The following RPS6KA1 variants were observed in gnomAD, a reference collection of about 807,000 sequenced individuals.
RPS6KA1 encodes the protein ribosomal protein S6 kinase A1, also known as ribosomal protein S6 kinase alpha-1.
A neutral mutation model predicts 91.3 loss-of-function variants in RPS6KA1; 48 were observed. That is an observed-to-expected ratio of 0.53 (90% CI 0.42 to 0.67). RPS6KA1 has a LOEUF of 0.67. Ranked by LOEUF, RPS6KA1 falls within the 30% of genes least tolerant of loss-of-function variation. RPS6KA1 has a pLI of 0.00. For missense variants in RPS6KA1, 719 were observed against 960.5 expected (o/e 0.75, Z 3.32); for synonymous variants, 359 against 384.7 (o/e 0.93, Z 0.78).
rs2076153277 is a variant in RPS6KA1, at chr1:26,561,434, T to TG, written c.1432-67dup. The TG allele has an allele frequency of 1.1e-4, 181 of 1,591,116 alleles. 4 individuals carry two copies. The South Asian group carries it at 2.0e-3, about 17-fold the overall frequency. On this transcript the variant is annotated intron_variant, in intron 16 of 21. Transcript: ENST00000374168. The surrounding 1 kb of genome is among the most constrained non-coding windows in gnomAD (Gnocchi z 5.7). ...AGGCTCATGTCATTCTTCCCTGCTCTGGGGCGCTGCTGACCAGGGGGCTCA... is the reference window on the plus strand; with the variant it reads ...AGGCTCATGTCATTCTTCCCTGCTCTGGGGGCGCTGCTGACCAGGGGGCTCA...
At chr1:26,569,930 T>C (rs1014547110) in intron 17 of RPS6KA1, among the ~76,000 whole-genome samples, 3 of 152,150 alleles carry the variant, frequency 2.0e-5, no homozygotes, top group Non-Finnish European at 4.4e-5. Flanking sequence ...GACTTTGGGC[T>C]TTATCTTGCA....
intron 6 of RPS6KA1, chr1:26,552,771 G>T: frequency 3.0e-6 from 1 of 331,562 alleles, no homozygotes; most frequent in Non-Finnish European, 6.1e-6. Context: ...GATTATAGGT[G>T]TGAGCCACCG....
At position 26,561,462 on chromosome 1, in the gene RPS6KA1, C is replaced by T; in HGVS notation, c.1432-43C>T. The T allele has an allele frequency of 6.2e-7, 1 of 1,613,214 alleles. No homozygotes were observed. The highest frequency in any genetic ancestry group is 1.1e-5 in the South Asian group (1 of 91,032). ...GGCGCTGCTGACCAGGGGGCTCAGG[C>T]CTGACACTGGGGAGAAGAGCCTGAT... On this transcript the variant is annotated intron_variant, in intron 16 of 21. Coordinates refer to ENST00000374168, the MANE Select transcript of RPS6KA1 (RefSeq NM_002953.4). This position sits in a 1 kb window ranked among gnomAD's most constrained non-coding sequence, Gnocchi z 5.7.
intron 2 of RPS6KA1, among the ~76,000 whole-genome samples, chr1:26,541,389 T>C (rs367629241): frequency 1.4e-4 from 21 of 152,090 alleles, no homozygotes; most frequent in East Asian, 1.9e-4. Flanking sequence ...ACCCTGTCGC[T>C]ACTAAAATAC....
At chr1:26,553,252 A>G in intron 6 of RPS6KA1, 139 bp from the exon 7 acceptor site, 1 of 593,748 alleles carries the variant, frequency 1.7e-6, no homozygotes, top group East Asian at 2.8e-5. Context: ...CCTTTGTATG[A>G]TGAGAAGGCT....
chr1:26,554,878 C>A lies in RPS6KA1; in HGVS notation c.756+140C>A. ...CAAGCTGGCCTCACCCTATATGCAC[C>A]TGCAGTTTTCTTCCTTGGAAGGATC... On this transcript the variant is annotated intron_variant, in intron 9 of 21. Coordinates refer to ENST00000374168, the MANE Select transcript of RPS6KA1 (RefSeq NM_002953.4). The surrounding 1 kb of genome is among the most constrained non-coding windows in gnomAD (Gnocchi z 4.6). The A allele has an allele frequency of 1.7e-6, 2 of 1,180,406 alleles. No individual in the cohort carries two copies. Among genetic ancestry groups the A allele is most frequent in the Non-Finnish European group, 2.4e-6 (2 of 837,966 alleles). The allele number at this position is 1,180,406 out of a possible 1,614,324, so 73.1% of individuals were successfully genotyped here.
chr1:26,543,559 G>C (rs905479776), intron 2 of RPS6KA1, among the ~76,000 whole-genome samples: 1 of 152,196 alleles, frequency 6.6e-6, no homozygotes, highest in Non-Finnish European at 1.5e-5. Flanking sequence ...TGTCAGGAAG[G>C]GTTAGGTATC....
intron 2 of RPS6KA1, chr1:26,543,123 G>T: frequency 6.5e-7 from 1 of 1,535,090 alleles, no homozygotes; most frequent in Non-Finnish European, 8.7e-7. Flanking sequence ...GAAGTAGGAA[G>T]AGTAACGGGG....
Position 26,555,005 on chromosome 1 carries a change from G to A in RPS6KA1, c.757-146G>A. On this transcript the variant is annotated intron_variant, in intron 9 of 21. Transcript: ENST00000374168. The surrounding 1 kb of genome is among the most constrained non-coding windows in gnomAD (Gnocchi z 4.3). Reference sequence around the variant, plus strand: ...CTGGTGGTCTGGTTGGCAGAGGCAAGAGGGACGGGCATAATTCTTGCTCCA... The same window carrying A: ...CTGGTGGTCTGGTTGGCAGAGGCAAAAGGGACGGGCATAATTCTTGCTCCA... 2.2e-6 allele frequency: 2 copies of A among 895,114 alleles called. No homozygotes were observed. The highest frequency in any genetic ancestry group is 4.8e-5 in the Admixed American group (2 of 41,990). The allele number at this position is 895,114 out of a possible 1,614,324, so 55.4% of individuals were successfully genotyped here.
At chr1:26,570,806 A>C (rs1198877285) in intron 17 of RPS6KA1, among the ~76,000 whole-genome samples, 1 of 152,186 alleles carries the variant, frequency 6.6e-6, no homozygotes, top group Non-Finnish European at 1.5e-5. Context: ...AAAGTAAAGC[A>C]GTGTATTCTT....
intron 1 of RPS6KA1, 23 bp downstream of exon 1, chr1:26,530,006 G>A: frequency 1.5e-6 from 2 of 1,323,554 alleles, no homozygotes; most frequent in African/African-American, 1.5e-5. Context: ...GGCGGGGGAC[G>A]GGCGCCCGCG....
At position 26,547,394 on chromosome 1, in the gene RPS6KA1, G is replaced by T; in HGVS notation, c.307+124G>T. ...TTCAGGAGCACCTAGTTCAAAGGTG[G>T]AGAAACAGGCCTATTTCTCAGCTAT... On this transcript the variant is annotated intron_variant, in intron 4 of 21. Transcript: ENST00000374168. This position sits in a 1 kb window ranked among gnomAD's most constrained non-coding sequence, Gnocchi z 4.1. 1.4e-6 allele frequency: 1 copy of T among 731,604 alleles called. No individual in the cohort carries two copies. The allele number at this position is 731,604 out of a possible 1,614,324, so 45.3% of individuals were successfully genotyped here.
chr1:26,560,887 G>T (rs367930270), intron 15 of RPS6KA1, 36 bp downstream of exon 15: 7 of 1,613,668 alleles, frequency 4.3e-6, no homozygotes, highest in Non-Finnish European at 5.9e-6. Flanking sequence ...CAAGGCTGCT[G>T]GGTTGGGGGC....
At chr1:26,533,261 G>C (rs2075880766) in intron 1 of RPS6KA1, among the ~76,000 whole-genome samples, 1 of 152,202 alleles carries the variant, frequency 6.6e-6, no homozygotes, top group South Asian at 2.1e-4. Flanking sequence ...TGTATTTTTA[G>C]TAGAGTCAGG....
intron 1 of RPS6KA1, among the ~76,000 whole-genome samples, chr1:26,533,955 C>A (rs2075887779): frequency 6.6e-6 from 1 of 152,124 alleles, no homozygotes; most frequent in Non-Finnish European, 1.5e-5. Context: ...TGCCTGTTCC[C>A]TTACTCTTAC....
Position 26,555,342 on chromosome 1 carries a change from G to A in RPS6KA1, c.827+121G>A. 1.8e-6 allele frequency: 2 copies of A among 1,083,378 alleles called. No individual in the cohort carries two copies. The highest frequency in any genetic ancestry group is 2.2e-5 in the Admixed American group (1 of 45,982). The allele number at this position is 1,083,378 out of a possible 1,614,324, so 67.1% of individuals were successfully genotyped here. A position where few individuals can be genotyped will look rare whatever the true frequency, so the allele number is the denominator to read the frequency against. The stretch of plus-strand genomic sequence containing the variant: ...ACCCTCTCTAATGAGACTCTCCTCT[G>A]GGTTAAACATTATACCTTCCAGAGC... On this transcript the variant is annotated intron_variant, in intron 10 of 21. Transcript: ENST00000374168. The surrounding 1 kb of genome is among the most constrained non-coding windows in gnomAD (Gnocchi z 4.3).
Position 26,554,764 on chromosome 1 carries a change from A to T in RPS6KA1, c.756+26A>T. ...GTGAGTGCCCAGACAGGGGTAAAGG[A>T]TCCAGCCCAAGCCTCTGGCCTCAGT... On this transcript the variant is annotated intron_variant, in intron 9 of 21. Coordinates refer to ENST00000374168, the MANE Select transcript of RPS6KA1 (RefSeq NM_002953.4). This position sits in a 1 kb window ranked among gnomAD's most constrained non-coding sequence, Gnocchi z 4.6. 6.3e-7 allele frequency: 1 copy of T among 1,580,876 alleles called. No homozygotes were observed. The highest frequency in any genetic ancestry group is 1.3e-5 in the African/African-American group (1 of 74,222).
At position 26,563,235 on chromosome 1, in the gene RPS6KA1, C is replaced by G. The variant is rs188743940; in HGVS notation, c.1590+1572C>G. Among the ~76,000 whole-genome samples the G allele has an allele frequency of 3.5e-3, 532 of 151,710 alleles. 1 individual carries two copies. The highest frequency in any genetic ancestry group is 4.9e-3 in the Admixed American group (74 of 15,238). ...TTCATTCAGTTGGTAAATCTCTCCC[C>G]CTTTTTTTTGAGACAGGGTCTCACT... On this transcript the variant is annotated intron_variant, in intron 17 of 21. Coordinates refer to ENST00000374168, the MANE Select transcript of RPS6KA1 (RefSeq NM_002953.4).
At position 26,547,588 on chromosome 1, in the gene RPS6KA1, G is replaced by C. The variant is rs1570432898; in HGVS notation, c.307+318G>C. On this transcript the variant is annotated intron_variant, in intron 4 of 21. Coordinates refer to ENST00000374168, the MANE Select transcript of RPS6KA1 (RefSeq NM_002953.4). This position sits in a 1 kb window ranked among gnomAD's most constrained non-coding sequence, Gnocchi z 4.1. ...GACTGTTGATGCTAGAAGAGTCTGGGGGAGACCTCTGTGGCCCCTAACTCA... is the reference window on the plus strand; with the variant it reads ...GACTGTTGATGCTAGAAGAGTCTGGCGGAGACCTCTGTGGCCCCTAACTCA... 6 of 308,488 alleles carry C rather than the reference G, an allele frequency of 1.9e-5. No individual in the cohort carries two copies. In the East Asian group the frequency reaches 4.5e-4, roughly 23 times the overall value. 19.1% of individuals were successfully genotyped at this position (308,488 alleles called of 1,614,324 possible).
Sources: allele counts gnomAD v4.1 joint callset (sites outside exome capture counted in the v4.1 genomes callset), GRCh38; gene constraint gnomAD v4.1.1; non-coding constraint Gnocchi (gnomAD v3.1); transcripts MANE v1.5; gene names NCBI Gene and HGNC (gene_info 2026-07-23, HGNC 2026-07-21).